Variants in GPC3 observed in about 807,000 individuals in gnomAD.
GPC3 encodes the protein glypican 3.
In GPC3, 3 loss-of-function variants were observed where a neutral mutation model predicts 34.4. That is an observed-to-expected ratio of 0.09 (90% CI 0.04 to 0.23). GPC3 has a LOEUF of 0.23. GPC3 is among the 10% of genes least tolerant of loss of function. The pLI, the probability that GPC3 is intolerant of heterozygous loss-of-function variation, is 1.00. For missense variants in GPC3, 351 were observed against 445.6 expected (o/e 0.79, Z 1.91); for synonymous variants, 177 against 174.0 (o/e 1.02, Z -0.13).
At chrX:133,811,757 C>T (rs1027054883) in intron 2 of GPC3, among the ~76,000 whole-genome samples, 3 of 111,771 alleles carry the variant, frequency 2.7e-5, no homozygotes, top group African/African-American at 6.5e-5. Flanking sequence ...AACAAAGCTG[C>T]TCATGTAGGT....
Position 133,645,601 on chromosome X carries a change from G to GT in GPC3, c.1413+16128dup, listed in dbSNP as rs201850587. On this transcript the variant is annotated intron_variant, in intron 6 of 7. Coordinates refer to ENST00000370818, the MANE Select transcript of GPC3 (RefSeq NM_004484.4). Reference sequence around the variant, plus strand: ...CAAAAGCATTTATAGATTATGGACTGTTTTTTTTTCATCTAGAAGGGAGCA... The same window carrying GT: ...CAAAAGCATTTATAGATTATGGACTGTTTTTTTTTTCATCTAGAAGGGAGCA... 5.4e-3 allele frequency among the ~76,000 whole-genome samples: 590 copies of GT among 109,270 alleles called. 3 individuals carry two copies. The highest frequency in any genetic ancestry group is 0.017 in the African/African-American group (525 of 30,038). 94.9% of individuals were successfully genotyped at this position (109,270 alleles called of 115,157 possible).
chrX:133,637,423 A>T (rs1332733194), intron 6 of GPC3, among the ~76,000 whole-genome samples: 1 of 110,615 alleles, frequency 9.0e-6, no homozygotes, highest in East Asian at 2.8e-4. Context: ...TCTCAAAAAA[A>T]AAAATAAAAA....
intron 1 of GPC3, among the ~76,000 whole-genome samples, chrX:133,973,885 T>A (rs1367503810): frequency 8.9e-6 from 1 of 112,074 alleles, no homozygotes; most frequent in Non-Finnish European, 1.9e-5. Flanking sequence ...ACCACTAAAG[T>A]TGCTGGAACT....
intron 2 of GPC3, among the ~76,000 whole-genome samples, chrX:133,776,904 G>A (rs2071989731): frequency 1.3e-5 from 1 of 76,751 alleles, no homozygotes; most frequent in South Asian, 7.9e-4. Context: ...TTTTGAGATG[G>A]AGTCTTACAC....
intron 6 of GPC3, among the ~76,000 whole-genome samples, chrX:133,638,955 G>A (rs955962137): frequency 8.9e-6 from 1 of 111,751 alleles, no homozygotes; most frequent in Non-Finnish European, 1.9e-5. Flanking sequence ...GGACAAGCTT[G>A]TTTTAAGTAA....
In GPC3 at chrX:133,875,636, T is replaced by C. The variant is rs2076013976; in HGVS notation, c.337+77414A>G. Among the ~76,000 whole-genome samples the C allele has an allele frequency of 4.5e-5, 5 of 111,332 alleles. No individual in the cohort carries two copies. The South Asian group carries it at 1.9e-3, about 43-fold the overall frequency. Reference sequence around the variant, plus strand: ...TCTTTTATCAATAGCCTCCCCACCATCCAGGCTCAGCTCAAAAAGGGATAG... The same window carrying C: ...TCTTTTATCAATAGCCTCCCCACCACCCAGGCTCAGCTCAAAAAGGGATAG... On this transcript the variant is annotated intron_variant, in intron 2 of 7. Coordinates refer to ENST00000370818, the MANE Select transcript of GPC3 (RefSeq NM_004484.4).
intron 6 of GPC3, among the ~76,000 whole-genome samples, chrX:133,654,695 G>T (rs2070637367): frequency 9.2e-6 from 1 of 108,853 alleles, no homozygotes; most frequent in Non-Finnish European, 1.9e-5. Context: ...CTGAGCGACT[G>T]AGTGAGACTC....
intron 5 of GPC3, among the ~76,000 whole-genome samples, chrX:133,680,431 G>T (rs996286397): frequency 6.3e-5 from 7 of 111,802 alleles, no homozygotes; most frequent in Non-Finnish European, 1.3e-4. Flanking sequence ...GTTCATTTGG[G>T]TAGTTTTTAA....
chrX:133,793,617 T>C (rs1237623300), intron 2 of GPC3, among the ~76,000 whole-genome samples: 2 of 111,456 alleles, frequency 1.8e-5, no homozygotes, highest in African/African-American at 6.5e-5. Flanking sequence ...ACACAACCCC[T>C]CAGGCCACAA....
At position 133,754,180 on chromosome X, in the gene GPC3, T is replaced by TAAAAAAAA; in HGVS notation, c.338-12_338-5dup. The TAAAAAAAA allele has an allele frequency of 1.1e-6, 1 of 945,323 alleles. No homozygotes were observed. The highest frequency in any genetic ancestry group is 1.4e-6 in the Non-Finnish European group (1 of 693,922). The allele number at this position is 945,323 out of a possible 1,213,427, so 77.9% of individuals were successfully genotyped here. ...CGAACAACAATTTCAAAGGCCTCTG[T>TAAAAAAAA]AAAAAAAAAAAAAAAAGAGACACAA... On this transcript the variant is annotated splice_region_variant and splice_polypyrimidine_tract_variant and intron_variant, in intron 2 of 7. Coordinates refer to ENST00000370818, the MANE Select transcript of GPC3 (RefSeq NM_004484.4).
intron 2 of GPC3, among the ~76,000 whole-genome samples, chrX:133,892,471 C>CTTTAACCTTTAACCT (rs2076092268): frequency 9.0e-6 from 1 of 111,538 alleles, no homozygotes; most frequent in Non-Finnish European, 1.9e-5. Flanking sequence ...AAATACCTTC[C>CTTTAACCTTTAACCT]TGAGACCTTT....
intron 2 of GPC3, among the ~76,000 whole-genome samples, chrX:133,886,912 G>C (rs2076064057): frequency 8.9e-6 from 1 of 112,526 alleles, no homozygotes; most frequent in Non-Finnish European, 1.9e-5. Flanking sequence ...TGAACATGCG[G>C]GTACAGCTAT....
At chrX:133,916,525 C>T (rs2124611493) in intron 2 of GPC3, among the ~76,000 whole-genome samples, 1 of 111,477 alleles carries the variant, frequency 9.0e-6, no homozygotes, top group East Asian at 2.8e-4. Context: ...GTCTAACCCC[C>T]CCATAGGGTA....
chrX:133,622,070 A>G (rs1222500288), intron 6 of GPC3, among the ~76,000 whole-genome samples: 6 of 112,257 alleles, frequency 5.3e-5, no homozygotes, highest in Admixed American at 9.4e-5. Context: ...GCAAACTCCA[A>G]CAGACCTGCA....
At chrX:133,742,666 T>G in intron 3 of GPC3, among the ~76,000 whole-genome samples, 1 of 112,117 alleles carries the variant, frequency 8.9e-6, no homozygotes, top group Admixed American at 9.4e-5. Context: ...GGGCTGCATA[T>G]TTTATGAGGT....
At chrX:133,888,705 G>A (rs2076072904) in intron 2 of GPC3, among the ~76,000 whole-genome samples, 1 of 111,944 alleles carries the variant, frequency 8.9e-6, no homozygotes, top group African/African-American at 3.2e-5. Context: ...ACATCTGTTG[G>A]CTGCATAAAT....
intron 2 of GPC3, among the ~76,000 whole-genome samples, chrX:133,951,993 G>A (rs987810802): frequency 2.7e-5 from 3 of 111,050 alleles, no homozygotes; most frequent in Non-Finnish European, 3.8e-5. Context: ...ATCTGACCTC[G>A]ATCCTCTCTT....
intron 6 of GPC3, among the ~76,000 whole-genome samples, chrX:133,607,573 A>G (rs1440506157): frequency 8.9e-6 from 1 of 111,879 alleles, no homozygotes; most frequent in Non-Finnish European, 1.9e-5. Context: ...AGCCCTATTC[A>G]TTGACTTGAT....
At chrX:133,857,116 C>T (rs777885237) in intron 2 of GPC3, among the ~76,000 whole-genome samples, 34 of 111,448 alleles carry the variant, frequency 3.1e-4, no homozygotes, top group Admixed American at 7.6e-4. Flanking sequence ...CATCTCTCTA[C>T]AGACGACTCC....
Sources: gnomAD v4.1 joint callset for allele counts (sites outside exome capture counted in the v4.1 genomes callset) on GRCh38, gnomAD v4.1.1 for gene constraint, MANE v1.5 for transcripts, NCBI Gene and HGNC (gene_info 2026-07-23, HGNC 2026-07-21) for gene names.